Variants in ZNF676 observed in about 807,000 individuals in gnomAD.
The protein encoded by ZNF676 is zinc finger protein 676.
ZNF676 carries 4 observed loss-of-function variants against 6.0 expected under a neutral mutation model. The observed-to-expected ratio is 0.67, with a 90% CI of 0.33 to 1.53. The LOEUF (loss-of-function observed/expected upper bound fraction) is 1.53. ZNF676 is among the 40% of genes most tolerant of loss of function. The pLI is 0.06. For missense variants in ZNF676, 644 were observed against 679.7 expected (o/e 0.95, Z 0.58); for synonymous variants, 198 against 223.1 (o/e 0.89, Z 1.00).
chr19:22,227,403 A>C, the ZNF676 span, among the ~76,000 whole-genome samples: 5 of 152,234 alleles, frequency 3.3e-5, no homozygotes, highest in Non-Finnish European at 7.3e-5. Context: ...TCACAAGAGA[A>C]AGCAGGAAAG....
At chr19:22,211,783 C>T (rs2024131378) in intron 1 of ZNF676, among the ~76,000 whole-genome samples, 1 of 152,082 alleles carries the variant, frequency 6.6e-6, no homozygotes, top group African/African-American at 2.4e-5. Flanking sequence ...CAATTATCTA[C>T]CACATTTTCT....
chr19:22,195,309 C>G (rs939156953), intron 1 of ZNF676, among the ~76,000 whole-genome samples: 9 of 152,046 alleles, frequency 5.9e-5, no homozygotes, highest in African/African-American at 1.9e-4. Context: ...TCAGTAATAC[C>G]CAGTAAGGAT....
chr19:22,198,299 T>G (rs180876439), upstream of ZNF676, among the ~76,000 whole-genome samples: 9 of 152,172 alleles, frequency 5.9e-5, no homozygotes, highest in Non-Finnish European at 1.2e-4. Context: ...GCATGGCATA[T>G]AAGAAGCCAT....
intron 2 of ZNF676, among the ~76,000 whole-genome samples, chr19:22,190,668 T>TATATATATACAC (rs1233210246): frequency 1.1e-5 from 1 of 93,760 alleles, no homozygotes; most frequent in Non-Finnish European, 2.0e-5. Context: ...TATATATACA[T>TATATATATACAC]ACACACTTTA....
chr19:22,230,509 A>AG, the ZNF676 span, among the ~76,000 whole-genome samples: 1 of 61,318 alleles, frequency 1.6e-5, no homozygotes, highest in East Asian at 4.8e-4. Flanking sequence ...ATAAAAAAGG[A>AG]AAAAAAAGAA....
the ZNF676 span, among the ~76,000 whole-genome samples, chr19:22,241,423 G>C: frequency 6.6e-6 from 1 of 151,876 alleles, no homozygotes; most frequent in Non-Finnish European, 1.5e-5. Context: ...ATCTTGGTCT[G>C]AGAGTAACCA....
intron 2 of ZNF676, among the ~76,000 whole-genome samples, chr19:22,191,415 A>G (rs188154772): frequency 6.6e-6 from 1 of 152,186 alleles, no homozygotes; most frequent in East Asian, 1.9e-4. Context: ...AGGCTTGGAG[A>G]CTGATACCCA....
At chr19:22,221,736 G>A in the ZNF676 span, among the ~76,000 whole-genome samples, 2 of 121,266 alleles carry the variant, frequency 1.6e-5, no homozygotes, top group Admixed American at 1.8e-4. Context: ...TGGTGACAGA[G>A]CAAGACTGTC....
chr19:22,258,891 C>T, the ZNF676 span, among the ~76,000 whole-genome samples: 2 of 152,130 alleles, frequency 1.3e-5, no homozygotes, highest in Admixed American at 6.5e-5. Flanking sequence ...GCAGGGTGGT[C>T]CATAAATGAG....
chr19:22,195,402 C>A (rs1776086810), intron 1 of ZNF676, among the ~76,000 whole-genome samples: 1 of 152,224 alleles, frequency 6.6e-6, no homozygotes, highest in Non-Finnish European at 1.5e-5. Context: ...GCTGCCACCC[C>A]TGCTTTGCAC....
At chr19:22,238,375 T>C in the ZNF676 span, among the ~76,000 whole-genome samples, 1 of 152,154 alleles carries the variant, frequency 6.6e-6, no homozygotes, top group Non-Finnish European at 1.5e-5. Context: ...ATAGAGTCAC[T>C]AAACTCCTTG....
At chr19:22,235,874 G>A in the ZNF676 span, among the ~76,000 whole-genome samples, 1 of 151,462 alleles carries the variant, frequency 6.6e-6, no homozygotes, top group South Asian at 2.1e-4. Context: ...AGAGAAAAGG[G>A]CATTTGCTAA....
intron 2 of ZNF676, among the ~76,000 whole-genome samples, chr19:22,183,775 GA>G (rs1182081370): frequency 2.6e-5 from 4 of 152,200 alleles, no homozygotes; most frequent in Non-Finnish European, 5.9e-5. Context: ...GAGAGCAGAA[GA>G]GGTCAAAATA....
chr19:22,259,506 C>G, the ZNF676 span, among the ~76,000 whole-genome samples: 3 of 152,164 alleles, frequency 2.0e-5, no homozygotes, highest in African/African-American at 7.2e-5. Flanking sequence ...AGAATCAAGG[C>G]AGTAGAGTGA....
upstream of ZNF676, among the ~76,000 whole-genome samples, chr19:22,218,285 AT>A (rs1249232216): frequency 6.6e-6 from 1 of 152,032 alleles, no homozygotes; most frequent in African/African-American, 2.4e-5. Flanking sequence ...AAAGTATTTG[AT>A]CCATCTTGAG....
intron 1 of ZNF676, among the ~76,000 whole-genome samples, chr19:22,205,659 A>G (rs1436881015): frequency 6.6e-6 from 1 of 152,190 alleles, no homozygotes; most frequent in Non-Finnish European, 1.5e-5. Context: ...CAGCTAAGGC[A>G]GTGTTAAAAG....
chr19:22,193,579 C>T (rs373131417), intron 1 of ZNF676, among the ~76,000 whole-genome samples: 5 of 152,130 alleles, frequency 3.3e-5, no homozygotes, highest in East Asian at 3.9e-4. Flanking sequence ...CCTCCAACAG[C>T]GCCTATTGAA....
chr19:22,181,073 T>A lies in ZNF676; in HGVS notation c.644A>T (p.His215Leu), dbSNP rs773425783. ...TTTCTCTCCAGTATGAATTACCTTA[T>A]GTTTAGTAAGGATTGAGAACTTACT... is the stretch of plus-strand genomic sequence containing the variant. ...AFSKFSILTK[H>L]KVIHTGEKPY... The change falls in exon 3 of 3, where the codon CAT becomes CTT. Residue 215 changes from histidine (H) to leucine (L), a missense_variant. This residue lies in a region of ZNF676 where 280 missense variants were observed against 269.3 expected (regional missense o/e 1.04). Coordinates refer to ENST00000397121, the MANE Select transcript of ZNF676 (RefSeq NM_001001411.3). 1 of 1,579,216 alleles carries A rather than the reference T, an allele frequency of 6.3e-7. No individual in the cohort carries two copies. The highest frequency in any genetic ancestry group is 2.3e-5 in the East Asian group (1 of 42,886).
intron 1 of ZNF676, among the ~76,000 whole-genome samples, chr19:22,209,583 A>T (rs1245640283): frequency 6.6e-6 from 1 of 152,152 alleles, no homozygotes; most frequent in Admixed American, 6.5e-5. Context: ...TCTCCACACC[A>T]AACTCCCATG....
Sources: allele counts gnomAD v4.1 joint callset (sites outside exome capture counted in the v4.1 genomes callset), GRCh38; gene constraint gnomAD v4.1.1; regional missense constraint gnomAD v4.1.1; transcripts MANE v1.5; gene names NCBI Gene and HGNC (gene_info 2026-07-23, HGNC 2026-07-21).